The following SGCG variants were observed in gnomAD, a reference collection of about 807,000 sequenced individuals.
The protein encoded by SGCG is sarcoglycan gamma, also known as gamma-sarcoglycan.
SGCG carries 26 observed loss-of-function variants against 29.3 expected under a neutral mutation model. The ratio of observed to expected loss-of-function variants is 0.89; its 90% CI spans 0.65 to 1.23. The LOEUF is 1.23. SGCG is among the 50% of genes most tolerant of loss of function. SGCG has a pLI of 0.00. For synonymous variants in SGCG, 145 were observed against 129.7 expected (o/e 1.12, Z -0.80); for missense variants, 353 against 356.0 (o/e 0.99, Z 0.07).
At chr13:23,312,145 A>G (rs1210266338) in intron 6 of SGCG, among the ~76,000 whole-genome samples, 1 of 152,212 alleles carries the variant, frequency 6.6e-6, no homozygotes, top group Non-Finnish European at 1.5e-5. Context: ...AATTTATTGC[A>G]TCTAGATTCA....
intron 3 of SGCG, chr13:23,244,293 G>A (rs992469839): frequency 6.6e-6 from 1 of 152,134 alleles, no homozygotes; most frequent in African/African-American, 2.4e-5. Context: ...AACAAAGAAA[G>A]TATAACACTT....
In SGCG at chr13:23,279,469, C is replaced by A; in HGVS notation, c.496C>A (p.Arg166=). Residue 166 remains arginine (R), a synonymous_variant, in exon 5 of 8, where the codon CGA becomes AGA. Coordinates refer to ENST00000218867, the MANE Select transcript of SGCG (RefSeq NM_000231.3). ...KEVVVGTDKL[R]VTGPEGALFE... ...AGTTGTGGTTGGTACAGATAAACTT[C>A]GAGTAACTGGTATGTACTAACTCGA... The A allele has an allele frequency of 3.1e-6, 5 of 1,612,864 alleles. No homozygotes were observed. Among genetic ancestry groups the A allele is most frequent in the Non-Finnish European group, 4.2e-6 (5 of 1,179,270 alleles).
chr13:23,189,334 G>C (rs377060919), intron 1 of SGCG, among the ~76,000 whole-genome samples: 1 of 152,104 alleles, frequency 6.6e-6, no homozygotes, highest in African/African-American at 2.4e-5. Context: ...ATGCCACCAC[G>C]CCTGGCTATT....
the SGCG span, among the ~76,000 whole-genome samples, chr13:23,173,144 A>AT: frequency 2.0e-5 from 3 of 152,292 alleles, no homozygotes; most frequent in Admixed American, 2.0e-4. Flanking sequence ...TGGACTCCTA[A>AT]TGTTACATTC....
At chr13:23,311,812 A>AT (rs1388098342) in intron 6 of SGCG, among the ~76,000 whole-genome samples, 3 of 152,164 alleles carry the variant, frequency 2.0e-5, no homozygotes, top group Admixed American at 2.0e-4. Context: ...TAGAAAATAG[A>AT]TTTTTTTCAT....
Position 23,256,735 on chromosome 13 carries a change from T to C in SGCG, c.385+6018T>C, listed in dbSNP as rs1172316746. On this transcript the variant is annotated intron_variant, in intron 4 of 7. Transcript: ENST00000218867. ...ATCCTTTTTTATGGCTGCATAGTAT[T>C]CCATGGTGTATATGTGCCACATTTT... 2.0e-5 allele frequency among the ~76,000 whole-genome samples: 3 copies of C among 152,338 alleles called. No individual in the cohort carries two copies. The East Asian group carries it at 5.8e-4, about 29-fold the overall frequency.
intron 1 of SGCG, among the ~76,000 whole-genome samples, chr13:23,195,699 A>G (rs1259648524): frequency 6.6e-6 from 1 of 151,884 alleles, no homozygotes; most frequent in Admixed American, 6.6e-5. Flanking sequence ...TGTGTATAAT[A>G]AGGGTATTAT....
chr13:23,232,934 G>A (rs1322356118), intron 2 of SGCG, among the ~76,000 whole-genome samples: 1 of 152,154 alleles, frequency 6.6e-6, no homozygotes, highest in Non-Finnish European at 1.5e-5. Context: ...TGTTAGGGAG[G>A]ATGCAGAGAA....
At chr13:23,219,869 T>A (rs1751975163) in intron 2 of SGCG, among the ~76,000 whole-genome samples, 1 of 145,574 alleles carries the variant, frequency 6.9e-6, no homozygotes, top group Non-Finnish European at 1.5e-5. Context: ...TCTCGCTCTG[T>A]CGCCCAGGCT....
chr13:23,249,149 G>A (rs942797300), intron 3 of SGCG, among the ~76,000 whole-genome samples: 3 of 152,174 alleles, frequency 2.0e-5, no homozygotes, highest in Non-Finnish European at 2.9e-5. Context: ...TTAAGTGATA[G>A]ATATTCCATT....
chr13:23,215,639 G>A (rs990457097), intron 2 of SGCG, among the ~76,000 whole-genome samples: 2 of 151,870 alleles, frequency 1.3e-5, no homozygotes, highest in South Asian at 2.1e-4. Context: ...TCTATTTTTA[G>A]TATAACATGA....
chr13:23,254,845 C>A (rs1188244987), intron 4 of SGCG, among the ~76,000 whole-genome samples: 2 of 152,230 alleles, frequency 1.3e-5, no homozygotes, highest in Non-Finnish European at 2.9e-5. Flanking sequence ...CTCAGGCCAT[C>A]GCTGTGGAAG....
intron 2 of SGCG, among the ~76,000 whole-genome samples, chr13:23,210,915 T>C (rs569984539): frequency 6.8e-6 from 1 of 146,810 alleles, no homozygotes; most frequent in Non-Finnish European, 1.5e-5. Context: ...CTTGTTGTCC[T>C]TGAACCATGT....
chr13:23,224,371 T>C (rs1878805660), intron 2 of SGCG, among the ~76,000 whole-genome samples: 1 of 152,186 alleles, frequency 6.6e-6, no homozygotes, highest in Non-Finnish European at 1.5e-5. Flanking sequence ...TATTCTTTCT[T>C]TCTCCTGCCG....
At chr13:23,188,507 C>T (rs1214819263) in intron 1 of SGCG, among the ~76,000 whole-genome samples, 1 of 94,632 alleles carries the variant, frequency 1.1e-5, no homozygotes, top group East Asian at 2.9e-4. Context: ...TTTTTTGGGA[C>T]AGGTATTCAC....
intron 2 of SGCG, among the ~76,000 whole-genome samples, chr13:23,204,720 T>G (rs1311122491): frequency 1.3e-5 from 2 of 149,306 alleles, no homozygotes; most frequent in Non-Finnish European, 3.0e-5. Flanking sequence ...TTTTTTTTTT[T>G]TTTGAGACGG....
intron 6 of SGCG, among the ~76,000 whole-genome samples, chr13:23,317,716 T>C (rs1222536832): frequency 6.6e-6 from 1 of 152,162 alleles, no homozygotes; most frequent in African/African-American, 2.4e-5. Context: ...GTAGGAAGGA[T>C]AGTTGTATTA....
chr13:23,314,040 T>C (rs569864539), intron 6 of SGCG, among the ~76,000 whole-genome samples: 117 of 152,254 alleles, frequency 7.7e-4, no homozygotes, highest in African/African-American at 2.8e-3. Flanking sequence ...CTCTCCTTGC[T>C]CCTCAGCTTG....
At chr13:23,198,097 T>TTCG (rs1877583719) in intron 1 of SGCG, among the ~76,000 whole-genome samples, 1 of 152,234 alleles carries the variant, frequency 6.6e-6, no homozygotes, top group Non-Finnish European at 1.5e-5. Context: ...AACTTCGAAC[T>TTCG]ATTATAACTC....
Sources: gnomAD v4.1 joint callset for allele counts (sites outside exome capture counted in the v4.1 genomes callset) on GRCh38, gnomAD v4.1.1 for gene constraint, MANE v1.5 for transcripts, NCBI Gene and HGNC (gene_info 2026-07-23, HGNC 2026-07-21) for gene names.